VPS13A: variants seen among roughly 807,000 people sequenced by gnomAD.
VPS13A encodes vacuolar protein sorting 13 homolog A.
Under a neutral mutation model 390.9 loss-of-function variants are expected in VPS13A, and 264 were observed. That is an observed-to-expected ratio of 0.68 (90% CI 0.61 to 0.75). The LOEUF is 0.75. Ranked by LOEUF, VPS13A falls within the 30% of genes least tolerant of loss-of-function variation. The pLI is 0.00. For synonymous variants in VPS13A, 1,231 were observed against 1,227.1 expected, an observed-to-expected ratio of 1.00 and a Z score of -0.07; for missense variants, 3,409 against 3,733.9, an observed-to-expected ratio of 0.91 and a Z score of 2.27.
intron 33 of VPS13A, among the ~76,000 whole-genome samples, chr9:77,297,792 A>T (rs935422861): frequency 6.6e-6 from 1 of 152,154 alleles, no homozygotes; most frequent in Non-Finnish European, 1.5e-5. Flanking sequence ...GGTACTGTTT[A>T]ATAAATATAG....
chr9:77,314,728 C>G (rs1277357463), intron 37 of VPS13A, 64 bp downstream of exon 37: 19 of 1,520,702 alleles, frequency 1.2e-5, no homozygotes, highest in Non-Finnish European at 1.7e-5. Flanking sequence ...TTACAGAATT[C>G]ATCTCCAGAA....
rs139989070 is a variant in VPS13A at position 77,358,942 on chromosome 9, C to G, written c.8036-391C>G. ...TCCCCTTGCTTTCCCACCTCCACCC[C>G]ACACCACTTCTTCTAAACTATCCTG... On this transcript the variant is annotated intron_variant, in intron 57 of 71. Transcript: ENST00000360280. Among the ~76,000 whole-genome samples the G allele has an allele frequency of 6.2e-4, 95 of 152,240 alleles. 1 individual carries two copies. The East Asian group carries it at 0.014, about 23-fold the overall frequency.
At chr9:77,319,541 T>C (rs766318575) in intron 41 of VPS13A, 31 bp from the exon 42 acceptor site, 2 of 1,387,752 alleles carry the variant, frequency 1.4e-6, no homozygotes, top group Non-Finnish European at 2.0e-6. Flanking sequence ...GGATGGAAGA[T>C]CATTTTTAAT....
chr9:77,411,289 G>A (rs930520446), intron 71 of VPS13A, among the ~76,000 whole-genome samples: 19 of 152,114 alleles, frequency 1.2e-4, no homozygotes, highest in Non-Finnish European at 2.5e-4. Context: ...ATTCAAAGCA[G>A]TGTGTAGAGG....
chr9:77,379,532 G>T (rs550427344), intron 67 of VPS13A, among the ~76,000 whole-genome samples: 1 of 151,884 alleles, frequency 6.6e-6, no homozygotes, highest in Non-Finnish European at 1.5e-5. Flanking sequence ...GAGCCACCAC[G>T]CCCGGCCATT....
chr9:77,382,746 A>G (rs1833507269), intron 68 of VPS13A: 1 of 986,158 alleles, frequency 1.0e-6, no homozygotes. Context: ...ATTCTAGTGT[A>G]GTCTTTATAA....
At chr9:77,249,487 A>C (rs538133741) in intron 20 of VPS13A, among the ~76,000 whole-genome samples, 4 of 152,316 alleles carry the variant, frequency 2.6e-5, no homozygotes, top group Non-Finnish European at 4.4e-5. Flanking sequence ...CACATGAGCT[A>C]TATAGAGGGA....
intron 23 of VPS13A, among the ~76,000 whole-genome samples, chr9:77,260,758 T>TC (rs1173582361): frequency 6.6e-6 from 1 of 152,150 alleles, no homozygotes; most frequent in East Asian, 1.9e-4. Flanking sequence ...CAGCCTCCAA[T>TC]CCCTCTCCTG....
In VPS13A at chr9:77,250,113, G is replaced by A. The variant is rs759444624; in HGVS notation, c.2054G>A (p.Arg685His). ...AACTTGAAGGTGACGAGTAAAAGTC[G>A]TTCTGAATTACCAGATGTGAAACAA... ...LGHLKVTSKSRSELPDVKQGE... is the reference protein window; with the variant it reads ...LGHLKVTSKSHSELPDVKQGE... Residue 685 changes from arginine to histidine, a missense_variant, in exon 21 of 72, where the codon CGT becomes CAT. Physicochemically the swap from Arg to His is conservative, Grantham distance 29. This residue lies in a region of VPS13A where 2,717 missense variants were observed against 2,917.4 expected (regional missense o/e 0.93). Coordinates refer to ENST00000360280, the MANE Select transcript of VPS13A (RefSeq NM_033305.3). 8.1e-6 allele frequency: 13 copies of A among 1,613,580 alleles called. No homozygotes were observed. Among genetic ancestry groups the A allele is most frequent in the East Asian group, 2.2e-5 (1 of 44,800 alleles).
chr9:77,416,483 G>A lies in VPS13A; in HGVS notation c.*477G>A, dbSNP rs984027127. On this transcript the variant is annotated 3_prime_UTR_variant, in exon 72 of 72. Transcript: ENST00000360280. Reference sequence around the variant, plus strand: ...TCAGTGGTATCAAGAGAACTTTGGTGGTGGTTTCTTCAGAATCATGAAGTT... The same window carrying A: ...TCAGTGGTATCAAGAGAACTTTGGTAGTGGTTTCTTCAGAATCATGAAGTT... 1 of 156,144 alleles carries A rather than the reference G, an allele frequency of 6.4e-6. No individual in the cohort carries two copies. The highest frequency in any genetic ancestry group is 2.4e-5 in the African/African-American group (1 of 41,404). 9.7% of individuals were successfully genotyped at this position (156,144 alleles called of 1,614,324 possible).
intron 17 of VPS13A, among the ~76,000 whole-genome samples, chr9:77,236,691 G>T (rs1824166160): frequency 6.6e-6 from 1 of 152,210 alleles, no homozygotes; most frequent in Non-Finnish European, 1.5e-5. Context: ...AAAGGAAAGA[G>T]AAATTTGAAC....
chr9:77,309,128 A>G (rs1828925388), intron 35 of VPS13A, among the ~76,000 whole-genome samples: 1 of 152,188 alleles, frequency 6.6e-6, no homozygotes, highest in Non-Finnish European at 1.5e-5. Context: ...AAGATAATAT[A>G]AGAAATGGAT....
At chr9:77,288,148 GT>G (rs559703935) in intron 31 of VPS13A, among the ~76,000 whole-genome samples, 1 of 150,476 alleles carries the variant, frequency 6.6e-6, no homozygotes, top group African/African-American at 2.4e-5. Flanking sequence ...AGTCTTTCAC[GT>G]TTTTTTTTCT....
At chr9:77,399,515 T>C (rs544775291) in intron 68 of VPS13A, among the ~76,000 whole-genome samples, 2 of 145,998 alleles carry the variant, frequency 1.4e-5, no homozygotes, top group South Asian at 2.3e-4. Context: ...GAATAAACCA[T>C]AGCTTTTAAA....
Position 77,250,153 on chromosome 9 carries a change from T to G in VPS13A, c.2094T>G (p.Leu698=). The G allele has an allele frequency of 6.2e-7, 1 of 1,613,892 alleles. No homozygotes were observed. Among genetic ancestry groups the G allele is most frequent in the Non-Finnish European group, 8.5e-7 (1 of 1,179,914 alleles). Residue 698 remains leucine (L), a synonymous_variant, in exon 21 of 72, where the codon CTT becomes CTG. Transcript: ENST00000360280. ...ATGTGAAACAAGGTGAGGCCAATCT[T>G]AAAGAGATAATGGATAGAGCTTATG... is the stretch of plus-strand genomic sequence containing the variant. ...LPDVKQGEAN[L]KEIMDRAYDS...
At chr9:77,284,269 G>C (rs1827209595) in intron 31 of VPS13A, among the ~76,000 whole-genome samples, 2 of 152,084 alleles carry the variant, frequency 1.3e-5, no homozygotes, top group Non-Finnish European at 2.9e-5. Flanking sequence ...TCAGATAGTA[G>C]GATCAGGAAA....
At chr9:77,403,088 G>C (rs1834458118) in intron 68 of VPS13A, 148 bp from the exon 69 acceptor site, 1 of 625,052 alleles carries the variant, frequency 1.6e-6, no homozygotes, top group Non-Finnish European at 2.8e-6. Flanking sequence ...AAAGGAAACA[G>C]CAATGATTTT....
intron 45 of VPS13A, among the ~76,000 whole-genome samples, chr9:77,331,391 T>C (rs1373682611): frequency 6.6e-6 from 1 of 152,148 alleles, no homozygotes; most frequent in Non-Finnish European, 1.5e-5. Flanking sequence ...ACCATACTTC[T>C]GATTTTTTTT....
chr9:77,260,812 A>T (rs1210082640), intron 23 of VPS13A, among the ~76,000 whole-genome samples: 1 of 152,102 alleles, frequency 6.6e-6, no homozygotes. Context: ...TTTTAAAAAA[A>T]TTTTTGTGGC....
Sources: gnomAD v4.1 joint callset for allele counts (sites outside exome capture counted in the v4.1 genomes callset) on GRCh38, gnomAD v4.1.1 for gene constraint, gnomAD v4.1.1 regional missense constraint, MANE v1.5 for transcripts, NCBI Gene and HGNC (gene_info 2026-07-23, HGNC 2026-07-21) for gene names.